The following PAG1 variants were observed in gnomAD, a reference collection of about 807,000 sequenced individuals.
PAG1 encodes the protein phosphoprotein membrane anchor with glycosphingolipid microdomains 1.
A neutral mutation model predicts 31.7 loss-of-function variants in PAG1; 23 were observed. The ratio of observed to expected loss-of-function variants is 0.73; its 90% CI spans 0.52 to 1.03. PAG1 has a LOEUF of 1.03. Ranked by LOEUF, PAG1 falls within the 50% of genes least tolerant of loss-of-function variation. PAG1 has a pLI of 0.00. For synonymous variants in PAG1, 214 were observed against 210.3 expected (o/e 1.02, Z -0.15); for missense variants, 473 against 540.7 (o/e 0.87, Z 1.24).
At chr8:81,005,165 GC>G (rs140309654) in intron 3 of PAG1, among the ~76,000 whole-genome samples, 1,730 of 152,296 alleles carry the variant, frequency 0.011, 22 homozygotes, top group African/African-American at 0.04. Flanking sequence ...GGACGCAGGG[GC>G]CTTGTGCATC....
At chr8:81,002,219 T>C (rs1436857676) in intron 3 of PAG1, among the ~76,000 whole-genome samples, 1 of 152,178 alleles carries the variant, frequency 6.6e-6, no homozygotes, top group African/African-American at 2.4e-5. Context: ...CACCTTTTTT[T>C]TTTTCATAAT....
chr8:81,030,691 CG>C (rs1215591541), intron 2 of PAG1, among the ~76,000 whole-genome samples: 1 of 152,198 alleles, frequency 6.6e-6, no homozygotes, highest in Non-Finnish European at 1.5e-5. Context: ...CGACTTCCCT[CG>C]CTCTCCCTCC....
Position 80,973,596 on chromosome 8 carries a change from G to A in PAG1, c.*2948C>T, listed in dbSNP as rs900061850. ...AATTTCACATAACCTGCTATAATTC[G>A]CTGTAAAAAATGGATGTCAAAATAG... On this transcript the variant is annotated 3_prime_UTR_variant, in exon 9 of 9. Transcript: ENST00000220597. 8.6e-5 allele frequency: 13 copies of A among 151,970 alleles called. No homozygotes were observed. Among genetic ancestry groups the A allele is most frequent in the African/African-American group, 2.4e-4 (10 of 41,372 alleles). The allele number at this position is 151,970 out of a possible 1,614,324, so 9.4% of individuals were successfully genotyped here.
chr8:81,043,851 T>A (rs2623025), intron 2 of PAG1, among the ~76,000 whole-genome samples: 10 of 152,118 alleles, frequency 6.6e-5, no homozygotes, highest in African/African-American at 2.2e-4. Context: ...TGGATTTCAC[T>A]ACCAATCAAT....
At chr8:81,089,533 A>C (rs1298554953) in intron 1 of PAG1, among the ~76,000 whole-genome samples, 3 of 151,564 alleles carry the variant, frequency 2.0e-5, no homozygotes, top group Non-Finnish European at 4.4e-5. Flanking sequence ...GCACCACTGC[A>C]CTCCAGCCTG....
chr8:81,021,411 A>G (rs1808167441), intron 3 of PAG1, among the ~76,000 whole-genome samples: 1 of 149,196 alleles, frequency 6.7e-6, no homozygotes, highest in South Asian at 2.1e-4. Flanking sequence ...GGATTTCCTT[A>G]GTTTGCACCC....
intron 2 of PAG1, among the ~76,000 whole-genome samples, chr8:81,058,967 C>A (rs1410157074): frequency 6.6e-6 from 1 of 152,124 alleles, no homozygotes; most frequent in Admixed American, 6.6e-5. Flanking sequence ...TAATTGTCAG[C>A]ATCTTAAATA....
chr8:81,031,638 T>C (rs1340964937), intron 2 of PAG1, among the ~76,000 whole-genome samples: 1 of 152,216 alleles, frequency 6.6e-6, no homozygotes, highest in Non-Finnish European at 1.5e-5. Flanking sequence ...AAATGTCAAA[T>C]TCTATTAATG....
intron 3 of PAG1, among the ~76,000 whole-genome samples, chr8:81,005,866 A>G (rs1476833779): frequency 6.6e-6 from 1 of 152,210 alleles, no homozygotes; most frequent in Non-Finnish European, 1.5e-5. Flanking sequence ...ACATGGGGCA[A>G]TTTGTTAAAG....
chr8:81,053,563 T>A (rs988582486), intron 2 of PAG1, among the ~76,000 whole-genome samples: 1 of 152,216 alleles, frequency 6.6e-6, no homozygotes, highest in Non-Finnish European at 1.5e-5. Context: ...ATGATCAGCA[T>A]TGGTTACTTA....
chr8:81,111,169 G>A (rs1219273027), intron 1 of PAG1, among the ~76,000 whole-genome samples: 2 of 152,222 alleles, frequency 1.3e-5, no homozygotes, highest in African/African-American at 4.8e-5. Context: ...AAAGCGGGAT[G>A]CGCGGGAAGC....
chr8:81,005,812 A>T (rs952563093), intron 3 of PAG1, among the ~76,000 whole-genome samples: 9 of 152,202 alleles, frequency 5.9e-5, no homozygotes, highest in African/African-American at 2.2e-4. Context: ...GATGCCCTCC[A>T]GAATCCCTCA....
intron 2 of PAG1, among the ~76,000 whole-genome samples, chr8:81,062,127 T>A (rs1808929021): frequency 6.6e-6 from 1 of 152,224 alleles, no homozygotes; most frequent in South Asian, 2.1e-4. Context: ...CAGTTATCTA[T>A]AAAAGCACCC....
chr8:81,081,514 T>C (rs1030055916), intron 1 of PAG1, among the ~76,000 whole-genome samples: 1 of 152,282 alleles, frequency 6.6e-6, no homozygotes, highest in Admixed American at 6.5e-5. Context: ...AGAAGGAAGA[T>C]ATAGAACATT....
chr8:81,042,941 T>C (rs572061013), intron 2 of PAG1, among the ~76,000 whole-genome samples: 2 of 152,232 alleles, frequency 1.3e-5, no homozygotes, highest in African/African-American at 4.8e-5. Context: ...TCCATTCTTA[T>C]GCTGATGGGC....
At chr8:81,029,090 T>TAA (rs1355636267) in intron 3 of PAG1, among the ~76,000 whole-genome samples, 1 of 152,188 alleles carries the variant, frequency 6.6e-6, no homozygotes, top group Non-Finnish European at 1.5e-5. Context: ...AATATCTTTA[T>TAA]AAGGAAGGAG....
At chr8:81,101,107 A>T (rs1046374600) in intron 1 of PAG1, among the ~76,000 whole-genome samples, 5 of 152,240 alleles carry the variant, frequency 3.3e-5, no homozygotes, top group African/African-American at 1.2e-4. Flanking sequence ...GAAACCATTA[A>T]ATTAAGTGTA....
At position 81,028,184 on chromosome 8, in the gene PAG1, A is replaced by G. The variant is rs369831310; in HGVS notation, c.-81+1812T>C. Among the ~76,000 whole-genome samples, 113 of 152,348 alleles carry G rather than the reference A, an allele frequency of 7.4e-4. 2 individuals are homozygous for G. In the South Asian group the frequency reaches 0.021, roughly 28 times the overall value. ...GGGAACACATAGCCTCAAGAAGCAG[A>G]AATGCCAGGCCTCAGTCACAGCCAG... is the stretch of plus-strand genomic sequence containing the variant. On this transcript the variant is annotated intron_variant, in intron 3 of 8. Coordinates refer to ENST00000220597, the MANE Select transcript of PAG1 (RefSeq NM_018440.4).
intron 1 of PAG1, among the ~76,000 whole-genome samples, chr8:81,082,608 T>C (rs1466841876): frequency 6.6e-6 from 1 of 152,210 alleles, no homozygotes; most frequent in Non-Finnish European, 1.5e-5. Flanking sequence ...CTATTTTCTC[T>C]CTAGTGTTGA....
Sources: gnomAD v4.1 joint callset for allele counts (sites outside exome capture counted in the v4.1 genomes callset) on GRCh38, gnomAD v4.1.1 for gene constraint, MANE v1.5 for transcripts, NCBI Gene and HGNC (gene_info 2026-07-23, HGNC 2026-07-21) for gene names.